Variants in CIB4 observed in about 807,000 individuals in gnomAD.
The protein encoded by CIB4 is calcium and integrin-binding family member 4.
A neutral mutation model predicts 25.8 loss-of-function variants in CIB4; 25 were observed. The ratio of observed to expected loss-of-function variants is 0.97; its 90% CI spans 0.71 to 1.35. The LOEUF is 1.35. Ranked by LOEUF, CIB4 falls within the 40% of genes most tolerant of loss-of-function variation. The pLI, the probability that CIB4 is intolerant of heterozygous loss-of-function variation, is 0.00. For missense variants in CIB4, 235 were observed against 228.2 expected (o/e 1.03, Z -0.19); for synonymous variants, 75 against 81.4 (o/e 0.92, Z 0.42).
intron 3 of CIB4, among the ~76,000 whole-genome samples, chr2:26,606,076 C>T (rs1012053921): frequency 2.6e-5 from 4 of 152,274 alleles, no homozygotes; most frequent in African/African-American, 9.6e-5. Context: ...TGGCTTCTTC[C>T]TTTGGGAATG....
chr2:26,611,341 G>C (rs1250335615), intron 3 of CIB4, among the ~76,000 whole-genome samples: 1 of 152,208 alleles, frequency 6.6e-6, no homozygotes, highest in African/African-American at 2.4e-5. Context: ...TGATAACACA[G>C]GGTAGAGCTG....
intron 2 of CIB4, among the ~76,000 whole-genome samples, chr2:26,636,271 C>T (rs1417215205): frequency 6.6e-6 from 1 of 152,192 alleles, no homozygotes; most frequent in Non-Finnish European, 1.5e-5. Context: ...ATTGCTCAAG[C>T]TGAGTTCCCT....
chr2:26,611,389 GT>G (rs771720174), intron 3 of CIB4, among the ~76,000 whole-genome samples: 4 of 152,256 alleles, frequency 2.6e-5, no homozygotes, highest in Non-Finnish European at 5.9e-5. Context: ...CCTTTATGGA[GT>G]CATGTCAACT....
chr2:26,617,120 A>ATGTGTGTGTGTG (rs3220777), intron 3 of CIB4, among the ~76,000 whole-genome samples: 13,972 of 137,536 alleles, frequency 0.1, 739 homozygotes, highest in African/African-American at 0.11. Flanking sequence ...AGAGCATGGA[A>ATGTGTGTGTGTG]TGTGTGTGTG....
chr2:26,617,124 G>GTA (rs1472033673), intron 3 of CIB4, among the ~76,000 whole-genome samples: 1 of 146,030 alleles, frequency 6.8e-6, no homozygotes, highest in African/African-American at 2.5e-5. Context: ...CATGGAATGT[G>GTA]TGTGTGTGTG....
chr2:26,593,847 G>T (rs546300538), intron 4 of CIB4, among the ~76,000 whole-genome samples: 3 of 152,178 alleles, frequency 2.0e-5, no homozygotes, highest in African/African-American at 7.2e-5. Context: ...GTTTGCCCTC[G>T]TGTATGTGGT....
At chr2:26,640,490 G>C (rs369275445) in intron 2 of CIB4, 43 bp downstream of exon 2, 1 of 1,599,758 alleles carries the variant, frequency 6.3e-7, no homozygotes, top group Non-Finnish European at 8.6e-7. Context: ...CAGCTCAGAG[G>C]GAGGAGCTGG....
At chr2:26,612,931 G>A (rs563684710) in intron 3 of CIB4, among the ~76,000 whole-genome samples, 13 of 126,000 alleles carry the variant, frequency 1.0e-4, no homozygotes, top group African/African-American at 1.8e-4. Flanking sequence ...GAGAAGTGAC[G>A]TCTTGGTCAC....
chr2:26,604,785 C>T (rs1179606439), intron 3 of CIB4, among the ~76,000 whole-genome samples: 1 of 151,966 alleles, frequency 6.6e-6, no homozygotes, highest in Non-Finnish European at 1.5e-5. Context: ...AGGGTTTTTC[C>T]CCTCATTTTG....
At chr2:26,599,850 G>A (rs1668748262) in intron 3 of CIB4, among the ~76,000 whole-genome samples, 1 of 151,810 alleles carries the variant, frequency 6.6e-6, no homozygotes, top group Admixed American at 6.6e-5. Context: ...AGAGGTGGGT[G>A]GATCACGAGG....
At chr2:26,589,060 C>T (rs13031295) in intron 4 of CIB4, among the ~76,000 whole-genome samples, 7,895 of 35,468 alleles carry the variant, frequency 0.22, 917 homozygotes, top group African/African-American at 0.28. Context: ...CTTCTTCTTC[C>T]TCTTCCTCTT....
chr2:26,581,437 A>G (rs1185685007), intron 6 of CIB4, 44 bp from the exon 7 acceptor site: 2 of 1,605,420 alleles, frequency 1.2e-6, no homozygotes, highest in African/African-American at 2.7e-5. Context: ...CGCAGGTCCA[A>G]GGGGCCCTCT....
intron 3 of CIB4, among the ~76,000 whole-genome samples, chr2:26,610,493 C>T (rs1668977956): frequency 6.6e-6 from 1 of 152,146 alleles, no homozygotes; most frequent in South Asian, 2.1e-4. Flanking sequence ...TTTTGAAACC[C>T]CCAGCTTTCT....
At chr2:26,628,030 C>G (rs930465086) in intron 3 of CIB4, among the ~76,000 whole-genome samples, 3 of 152,234 alleles carry the variant, frequency 2.0e-5, no homozygotes, top group African/African-American at 7.2e-5. Context: ...CAAACAGAAA[C>G]GAAGATGGGC....
At chr2:26,621,862 C>T (rs908013165) in intron 3 of CIB4, among the ~76,000 whole-genome samples, 5 of 152,182 alleles carry the variant, frequency 3.3e-5, no homozygotes, top group Non-Finnish European at 5.9e-5. Context: ...AGGAAATGTA[C>T]AGGAAACTTC....
intron 4 of CIB4, among the ~76,000 whole-genome samples, chr2:26,589,616 C>A (rs1668547860): frequency 6.6e-6 from 1 of 152,198 alleles, no homozygotes; most frequent in South Asian, 2.1e-4. Flanking sequence ...GCCACTGCAC[C>A]CAGCCCCTGC....
chr2:26,589,104 CTT>C lies in CIB4; in HGVS notation c.329-5208_329-5207del, dbSNP rs1558555106. ...TCTTCTTCTTCTTCTTCTTCTTCTT[CTT>C]CCTCTTCTTCTTCTTCTTCTTCTTC... On this transcript the variant is annotated intron_variant, in intron 4 of 6. Coordinates refer to ENST00000288861, the MANE Select transcript of CIB4 (RefSeq NM_001029881.3). 4.5e-3 allele frequency among the ~76,000 whole-genome samples: 499 copies of C among 109,814 alleles called. 21 individuals carry two copies. Among genetic ancestry groups the C allele is most frequent in the Middle Eastern group, 8.1e-3 (2 of 246 alleles). 72.0% of individuals were successfully genotyped at this position (109,814 alleles called of 152,430 possible). A position where few individuals can be genotyped will look rare whatever the true frequency, so the allele number is the denominator to read the frequency against.
At position 26,581,487 on chromosome 2, in the gene CIB4, G is replaced by A. The variant is rs575189632; in HGVS notation, c.528-94C>T. The stretch of plus-strand genomic sequence containing the variant: ...CAGTAGTCCTGGAGGCTCCCTCCCC[G>A]GCCTGCATCTCGTGTCCCTTTCTCT... On this transcript the variant is annotated intron_variant, in intron 6 of 6. Coordinates refer to ENST00000288861, the MANE Select transcript of CIB4 (RefSeq NM_001029881.3). 180 of 1,240,370 alleles carry A rather than the reference G, an allele frequency of 1.5e-4. 1 individual carries two copies. Among genetic ancestry groups the A allele is most frequent in the Middle Eastern group, 1.9e-4 (1 of 5,296 alleles). The allele number at this position is 1,240,370 out of a possible 1,614,324, so 76.8% of individuals were successfully genotyped here. A position where few individuals can be genotyped will look rare whatever the true frequency, so the allele number is the denominator to read the frequency against.
chr2:26,613,148 G>C (rs1669028244), intron 3 of CIB4, among the ~76,000 whole-genome samples: 1 of 152,138 alleles, frequency 6.6e-6, no homozygotes, highest in Non-Finnish European at 1.5e-5. Flanking sequence ...ACCGGAGCCT[G>C]ATCCCCCAGC....
Sources: gnomAD v4.1 joint callset for allele counts (sites outside exome capture counted in the v4.1 genomes callset) on GRCh38, gnomAD v4.1.1 for gene constraint, MANE v1.5 for transcripts, NCBI Gene and HGNC (gene_info 2026-07-23, HGNC 2026-07-21) for gene names.